Variants in NPAS2 observed in about 807,000 individuals in gnomAD.
NPAS2 encodes the protein neuronal PAS domain-containing protein 2.
In NPAS2, 23 loss-of-function variants were observed where a neutral mutation model predicts 107.5. The observed-to-expected ratio is 0.21, with a 90% CI of 0.15 to 0.30. NPAS2 has a LOEUF of 0.30. Among genes scored for constraint, NPAS2 ranks in the 10% least tolerant of loss-of-function variants. The pLI, the probability that NPAS2 is intolerant of heterozygous loss-of-function variation, is 1.00. For missense variants in NPAS2, 756 were observed against 1,043.3 expected (o/e 0.72, Z 3.79); for synonymous variants, 403 against 417.5 (o/e 0.97, Z 0.42).
Position 100,990,022 on chromosome 2 carries a change from C to T in NPAS2, c.1828-234C>T, listed in dbSNP as rs967170652. 6 of 547,988 alleles carry T rather than the reference C, an allele frequency of 1.1e-5. No individual in the cohort carries two copies. The African/African-American group carries it at 1.1e-4, about 10-fold the overall frequency. 33.9% of individuals were successfully genotyped at this position (547,988 alleles called of 1,614,324 possible). ...ATTTGAAGCAGAAAGTAGTTCAGTT[C>T]AAGGCACATTTGCTACTTGCCTGCC... On this transcript the variant is annotated intron_variant, in intron 17 of 20. Coordinates refer to ENST00000335681, the MANE Select transcript of NPAS2 (RefSeq NM_002518.4).
At chr2:100,938,986 C>A (rs1305479247) in intron 5 of NPAS2, among the ~76,000 whole-genome samples, 1 of 152,124 alleles carries the variant, frequency 6.6e-6, no homozygotes, top group Non-Finnish European at 1.5e-5. Flanking sequence ...AAAGCTTGGG[C>A]CAGGATGATG....
intron 1 of NPAS2, among the ~76,000 whole-genome samples, chr2:100,882,538 G>A (rs750079274): frequency 5.9e-5 from 9 of 152,162 alleles, no homozygotes; most frequent in Admixed American, 2.6e-4. Flanking sequence ...CGTAAAACCC[G>A]GGAGGCGGAG....
chr2:100,859,609 G>T (rs1252102888), intron 1 of NPAS2, among the ~76,000 whole-genome samples: 1 of 152,170 alleles, frequency 6.6e-6, no homozygotes, highest in Non-Finnish European at 1.5e-5. Context: ...AGGGGAGCGA[G>T]CAGAGCTTTT....
chr2:100,928,056 G>A (rs919665118), intron 3 of NPAS2, among the ~76,000 whole-genome samples: 6 of 152,222 alleles, frequency 3.9e-5, no homozygotes, highest in Non-Finnish European at 7.4e-5. Flanking sequence ...GTGCGGCTGG[G>A]ACATCAGAAA....
At chr2:100,874,023 C>T (rs1679793867) in intron 1 of NPAS2, among the ~76,000 whole-genome samples, 1 of 150,180 alleles carries the variant, frequency 6.7e-6, no homozygotes, top group Non-Finnish European at 1.5e-5. Context: ...TCTTGTTGCC[C>T]AGGCTGGAGT....
chr2:100,828,133 T>C (rs191450527), intron 1 of NPAS2, among the ~76,000 whole-genome samples: 10 of 152,340 alleles, frequency 6.6e-5, no homozygotes, highest in East Asian at 1.9e-4. Context: ...TGGTACCTTA[T>C]TGAGGTTTTG....
intron 2 of NPAS2, among the ~76,000 whole-genome samples, chr2:100,918,226 A>G (rs62152893): frequency 0.16 from 24,913 of 152,070 alleles, 2,607 homozygotes; most frequent in Non-Finnish European, 0.23. Context: ...GCAAAATGCA[A>G]CATCTATTCA....
chr2:100,854,858 G>A (rs1678457417), intron 1 of NPAS2, among the ~76,000 whole-genome samples: 1 of 152,238 alleles, frequency 6.6e-6, no homozygotes, highest in South Asian at 2.1e-4. Flanking sequence ...GCTGTGCACA[G>A]TGTGGCTATT....
chr2:100,882,030 T>C (rs1680382608), intron 1 of NPAS2, among the ~76,000 whole-genome samples: 1 of 152,248 alleles, frequency 6.6e-6, no homozygotes, highest in African/African-American at 2.4e-5. Flanking sequence ...GCTTGGAGCC[T>C]GATGCCATGG....
At chr2:100,833,766 G>A (rs1573418970) in intron 1 of NPAS2, among the ~76,000 whole-genome samples, 1 of 152,206 alleles carries the variant, frequency 6.6e-6, no homozygotes, top group Non-Finnish European at 1.5e-5. Context: ...CATGATGAAT[G>A]TGACATGTGC....
In NPAS2 at chr2:100,820,971, T is replaced by G; in HGVS notation, c.-23+557T>G. ...CCGTGTGCGCAGACAGCGTGCAGCC[T>G]GGCTCCTCACGTCGCTGCCGCCCCC... is the stretch of plus-strand genomic sequence containing the variant. On this transcript the variant is annotated intron_variant, in intron 1 of 20. Coordinates refer to ENST00000335681, the MANE Select transcript of NPAS2 (RefSeq NM_002518.4). The surrounding 1 kb of genome is among the most constrained non-coding windows in gnomAD (Gnocchi z 5.6). 1.3e-5 allele frequency: 15 copies of G among 1,114,384 alleles called. No individual in the cohort carries two copies. Among genetic ancestry groups the G allele is most frequent in the Non-Finnish European group, 1.7e-5 (14 of 831,172 alleles). 69.0% of individuals were successfully genotyped at this position (1,114,384 alleles called of 1,614,324 possible).
intron 11 of NPAS2, among the ~76,000 whole-genome samples, chr2:100,969,973 A>C (rs1193082284): frequency 1.3e-5 from 2 of 152,202 alleles, no homozygotes; most frequent in Non-Finnish European, 2.9e-5. Flanking sequence ...ACACACTCAC[A>C]CCATACATGT....
At chr2:100,960,392 G>A (rs1257672021) in intron 7 of NPAS2, among the ~76,000 whole-genome samples, 5 of 151,860 alleles carry the variant, frequency 3.3e-5, no homozygotes, top group East Asian at 1.9e-4. Flanking sequence ...GTGAAACCCC[G>A]TCTCTACTAA....
intron 2 of NPAS2, among the ~76,000 whole-genome samples, chr2:100,924,105 A>G (rs567505207): frequency 3.3e-5 from 5 of 152,120 alleles, no homozygotes; most frequent in Non-Finnish European, 7.4e-5. Flanking sequence ...GAGCATTTTT[A>G]GGCTCACAGA....
At chr2:100,975,151 A>G in intron 13 of NPAS2, 1 of 609,808 alleles carries the variant, frequency 1.6e-6, no homozygotes. Context: ...TTGCCAAGCA[A>G]AGACATTGAG....
At chr2:100,831,130 T>C (rs1023823902) in intron 1 of NPAS2, among the ~76,000 whole-genome samples, 45 of 151,996 alleles carry the variant, frequency 3.0e-4, no homozygotes, top group African/African-American at 9.9e-4. Context: ...TGAAACCGCT[T>C]CTGTACTAAA....
chr2:100,926,719 AT>A (rs1683587573), intron 3 of NPAS2, among the ~76,000 whole-genome samples: 1 of 152,092 alleles, frequency 6.6e-6, no homozygotes, highest in Non-Finnish European at 1.5e-5. Flanking sequence ...ATTCGAAAAT[AT>A]CTTCCCCCAT....
intron 1 of NPAS2, among the ~76,000 whole-genome samples, chr2:100,841,965 T>C (rs1022497970): frequency 7.2e-5 from 11 of 152,290 alleles, no homozygotes; most frequent in African/African-American, 1.9e-4. Flanking sequence ...TACACAAGCA[T>C]GCACAGCATA....
rs553770076 is a variant in NPAS2, at chr2:100,820,246, C to CGCGGCGGCGGCG, written c.-179_-168dup. The CGCGGCGGCGGCG allele has an allele frequency of 4.7e-4, 68 of 145,272 alleles. No homozygotes were observed. In the South Asian group the frequency reaches 6.1e-3, roughly 13 times the overall value. 9.0% of individuals were successfully genotyped at this position (145,272 alleles called of 1,614,324 possible). A position where few individuals can be genotyped will look rare whatever the true frequency, so the allele number is the denominator to read the frequency against. On this transcript the variant is annotated 5_prime_UTR_variant, in exon 1 of 21. Coordinates refer to ENST00000335681, the MANE Select transcript of NPAS2 (RefSeq NM_002518.4). This position sits in a 1 kb window ranked among gnomAD's most constrained non-coding sequence, Gnocchi z 5.6. ...GCCGCGGAGCCCGGAGACCCGCAGC[C>CGCGGCGGCGGCG]GCGGCGGCGGCGGCGGCGGCGGCAG...
Sources: allele counts gnomAD v4.1 joint callset (sites outside exome capture counted in the v4.1 genomes callset), GRCh38; gene constraint gnomAD v4.1.1; non-coding constraint Gnocchi (gnomAD v3.1); transcripts MANE v1.5; gene names NCBI Gene and HGNC (gene_info 2026-07-23, HGNC 2026-07-21).